Variants in PIK3CG observed in about 807,000 individuals in gnomAD.
PIK3CG encodes the protein phosphatidylinositol-4,5-bisphosphate 3-kinase catalytic subunit gamma.
A neutral mutation model predicts 102.3 loss-of-function variants in PIK3CG; 55 were observed. The ratio of observed to expected loss-of-function variants is 0.54; its 90% confidence interval spans 0.43 to 0.67. PIK3CG has a LOEUF of 0.67. Ranked by LOEUF, PIK3CG falls within the 30% of genes least tolerant of loss-of-function variation. The pLI is 0.00. For missense variants in PIK3CG, 1,258 were observed against 1,391.8 expected, an observed-to-expected ratio of 0.90 and a Z score of 1.53; for synonymous variants, 552 against 540.0, an observed-to-expected ratio of 1.02 and a Z score of -0.31.
rs532738354 is a variant in PIK3CG at position 106,903,562 on chromosome 7, A to G, written c.3031-1547A>G. ...TAGGAATCATGTTATTGTTGTTACC[A>G]TTGATTTTAGCATCTGTTTTTGCAT... On this transcript the variant is annotated intron_variant, in intron 10 of 10. Coordinates refer to ENST00000496166, the MANE Select transcript of PIK3CG (RefSeq NM_001282426.2). The surrounding 1 kb of genome is among the most constrained non-coding windows in gnomAD (Gnocchi z 4.3). Among the ~76,000 whole-genome samples the G allele has an allele frequency of 8.0e-4, 121 of 151,968 alleles. No homozygotes were observed. Among genetic ancestry groups the G allele is most frequent in the Middle Eastern group, 3.4e-3 (1 of 294 alleles).
At chr7:106,882,856 C>T (rs571757538) in intron 7 of PIK3CG, 177 bp from the exon 8 acceptor site, 81 of 524,602 alleles carry the variant, frequency 1.5e-4, no homozygotes, top group Non-Finnish European at 2.5e-4. Context: ...TATCCTCCTT[C>T]TTTCCTTTCT....
rs2116483100 is a variant in PIK3CG at position 106,872,607 on chromosome 7, G to A, written c.2061+5G>A. ...CTGCTGAAGCGTGGTTTAAGAGTAA[G>A]TACTTCCATTTTGATAATAGCGTGA... is the stretch of plus-strand genomic sequence containing the variant. On this transcript the variant is annotated splice_donor_5th_base_variant and intron_variant, in intron 3 of 10. Coordinates refer to ENST00000496166, the MANE Select transcript of PIK3CG (RefSeq NM_001282426.2). This position sits in a 1 kb window ranked among gnomAD's most constrained non-coding sequence, Gnocchi z 5.3. 3 of 1,612,732 alleles carry A rather than the reference G, an allele frequency of 1.9e-6. No individual in the cohort carries two copies. In the South Asian group the frequency reaches 3.3e-5, roughly 18 times the overall value.
At chr7:106,901,613 G>T (rs866584039) in intron 10 of PIK3CG, among the ~76,000 whole-genome samples, 2 of 152,166 alleles carry the variant, frequency 1.3e-5, no homozygotes, top group Admixed American at 1.3e-4. Context: ...TGGTGTGGTT[G>T]TTTGGAGGAC....
In PIK3CG at chr7:106,893,765, A is replaced by T. The variant is rs549888106; in HGVS notation, c.3030+7473A>T. ...TGTCATGCATTGCTTAACAGTGGGG[A>T]TACATACAGAGAAATGCATCATTAG... On this transcript the variant is annotated intron_variant, in intron 10 of 10. Transcript: ENST00000496166. This position sits in a 1 kb window ranked among gnomAD's most constrained non-coding sequence, Gnocchi z 4.4. 2.3e-4 allele frequency among the ~76,000 whole-genome samples: 35 copies of T among 152,342 alleles called. No individual in the cohort carries two copies. Among genetic ancestry groups the T allele is most frequent in the African/African-American group, 8.2e-4 (34 of 41,580 alleles).
In PIK3CG at chr7:106,874,261, C is replaced by G. The variant is rs923518031; in HGVS notation, c.2288-439C>G. On this transcript the variant is annotated intron_variant, in intron 4 of 10. Coordinates refer to ENST00000496166, the MANE Select transcript of PIK3CG (RefSeq NM_001282426.2). The surrounding 1 kb of genome is among the most constrained non-coding windows in gnomAD (Gnocchi z 4.3). Reference sequence around the variant, plus strand: ...ACTTCTCTACAGAACCTAACTTCCTCTTCTGAAAAGAAATTACAGAACCCT... The same window carrying G: ...ACTTCTCTACAGAACCTAACTTCCTGTTCTGAAAAGAAATTACAGAACCCT... 6.6e-5 allele frequency among the ~76,000 whole-genome samples: 10 copies of G among 152,178 alleles called. No homozygotes were observed. The highest frequency in any genetic ancestry group is 1.5e-4 in the Non-Finnish European group (10 of 68,030).
In PIK3CG at chr7:106,883,194, C is replaced by G. The variant is rs2116546674; in HGVS notation, c.2760+31C>G. ...CTCATGCTTTTTCCCAGTCTAATGG[C>G]TCCTTACAAGTTGTCATTTATATAG... On this transcript the variant is annotated intron_variant, in intron 8 of 10. Transcript: ENST00000496166. The surrounding 1 kb of genome is among the most constrained non-coding windows in gnomAD (Gnocchi z 5.8). 1.9e-6 allele frequency: 3 copies of G among 1,612,742 alleles called. No homozygotes were observed. The highest frequency in any genetic ancestry group is 2.5e-6 in the Non-Finnish European group (3 of 1,178,866).
chr7:106,874,833 T>TA lies in PIK3CG; in HGVS notation c.2391+30_2391+31insA. 7.1e-7 allele frequency: 1 copy of TA among 1,415,860 alleles called. No individual in the cohort carries two copies. The highest frequency in any genetic ancestry group is 1.0e-6 in the Non-Finnish European group (1 of 1,003,228). The allele number at this position is 1,415,860 out of a possible 1,614,324, so 87.7% of individuals were successfully genotyped here. A position where few individuals can be genotyped will look rare whatever the true frequency, so the allele number is the denominator to read the frequency against. On this transcript the variant is annotated intron_variant, in intron 5 of 10. Transcript: ENST00000496166. The surrounding 1 kb of genome is among the most constrained non-coding windows in gnomAD (Gnocchi z 4.3). ...GTATCACTTGGATGTCTCCATGTGG[T>TA]CTTTATGTCTTGAAGATGTCTAACG...
At chr7:106,886,408 C>A in intron 10 of PIK3CG, 116 bp downstream of exon 10, 1 of 973,624 alleles carries the variant, frequency 1.0e-6, no homozygotes, top group Non-Finnish European at 1.5e-6. Flanking sequence ...TCTACCCCTA[C>A]CCTCTTCTGG....
chr7:106,868,943 T>C lies in PIK3CG; in HGVS notation c.1382T>C (p.Leu461Pro). 6.2e-7 allele frequency: 1 copy of C among 1,614,172 alleles called. No homozygotes were observed. The highest frequency in any genetic ancestry group is 8.5e-7 in the Non-Finnish European group (1 of 1,180,024). ...GAGTCCAAGGGCAAAGTTCAGCTTCTCTATTATGTGAACCTGCTGCTGATA... is the reference window on the plus strand; with the variant it reads ...GAGTCCAAGGGCAAAGTTCAGCTTCCCTATTATGTGAACCTGCTGCTGATA... ...SSESKGKVQL[L>P]YYVNLLLIDH... The change falls in exon 2 of 11, where the codon CTC becomes CCC. Residue 461 changes from leucine to proline, a missense_variant. Leu to Pro is a moderately conservative substitution (Grantham distance 98). Transcript: ENST00000496166. This position sits in a 1 kb window ranked among gnomAD's most constrained non-coding sequence, Gnocchi z 6.2.
In PIK3CG at chr7:106,869,704, G is replaced by A. The variant is rs1446294132; in HGVS notation, c.1995+148G>A. Reference sequence around the variant, plus strand: ...AGATATGATGAAGCTGCCTCAAAAAGTAGTAAACTGTTCCATGTACATTTT... The same window carrying A: ...AGATATGATGAAGCTGCCTCAAAAAATAGTAAACTGTTCCATGTACATTTT... On this transcript the variant is annotated intron_variant, in intron 2 of 10. Coordinates refer to ENST00000496166, the MANE Select transcript of PIK3CG (RefSeq NM_001282426.2). This position sits in a 1 kb window ranked among gnomAD's most constrained non-coding sequence, Gnocchi z 5.3. 3 of 680,180 alleles carry A rather than the reference G, an allele frequency of 4.4e-6. No individual in the cohort carries two copies. The highest frequency in any genetic ancestry group is 1.8e-5 in the African/African-American group (1 of 55,190). The allele number at this position is 680,180 out of a possible 1,614,324, so 42.1% of individuals were successfully genotyped here. A position where few individuals can be genotyped will look rare whatever the true frequency, so the allele number is the denominator to read the frequency against.
Position 106,869,094 on chromosome 7 carries a change from G to T in PIK3CG, c.1533G>T (p.Glu511Asp). Residue 511 changes from glutamate to aspartate, a missense_variant, in exon 2 of 11, where the codon GAG becomes GAT. This residue lies in a region of PIK3CG where 832 missense variants were observed against 787.5 expected (regional missense o/e 1.06). Coordinates refer to ENST00000496166, the MANE Select transcript of PIK3CG (RefSeq NM_001282426.2). This position sits in a 1 kb window ranked among gnomAD's most constrained non-coding sequence, Gnocchi z 5.3. The part of the protein sequence containing the change: ...KLTSATNPDK[E>D]NSMSISILLD... ...CGTCTGCAACTAACCCAGACAAGGA[G>T]AACTCAATGTCCATCTCCATTCTTC... 1 of 1,614,210 alleles carries T rather than the reference G, an allele frequency of 6.2e-7. No homozygotes were observed.
At position 106,902,678 on chromosome 7, in the gene PIK3CG, T is replaced by TA. The variant is rs1171964261; in HGVS notation, c.3031-2431_3031-2430insA. The stretch of plus-strand genomic sequence containing the variant: ...TCTTACAGTGTGAATTTTTGTTATG[T>TA]TTTTGGCCTGTATTTCTGGCCAATT... On this transcript the variant is annotated intron_variant, in intron 10 of 10. Transcript: ENST00000496166. The surrounding 1 kb of genome is among the most constrained non-coding windows in gnomAD (Gnocchi z 4.3). Among the ~76,000 whole-genome samples, 2 of 152,160 alleles carry TA rather than the reference T, an allele frequency of 1.3e-5. No individual in the cohort carries two copies. Among genetic ancestry groups the TA allele is most frequent in the African/African-American group, 4.8e-5 (2 of 41,454 alleles).
At position 106,902,319 on chromosome 7, in the gene PIK3CG, G is replaced by A. The variant is rs545270757; in HGVS notation, c.3031-2790G>A. 2.0e-5 allele frequency among the ~76,000 whole-genome samples: 3 copies of A among 152,256 alleles called. No individual in the cohort carries two copies. The highest frequency in any genetic ancestry group is 4.1e-4 in the South Asian group (2 of 4,824). On this transcript the variant is annotated intron_variant, in intron 10 of 10. Coordinates refer to ENST00000496166, the MANE Select transcript of PIK3CG (RefSeq NM_001282426.2). This position sits in a 1 kb window ranked among gnomAD's most constrained non-coding sequence, Gnocchi z 4.3. ...CTGGCCTCCTCTCCTTGGGTCAGCTGCAGCTTGCTGGAGGTGTAAAATCAC... is the reference window on the plus strand; with the variant it reads ...CTGGCCTCCTCTCCTTGGGTCAGCTACAGCTTGCTGGAGGTGTAAAATCAC...
At position 106,873,078 on chromosome 7, in the gene PIK3CG, C is replaced by T. The variant is rs768628271; in HGVS notation, c.2287+140C>T. 9.2e-5 allele frequency: 58 copies of T among 631,282 alleles called. No individual in the cohort carries two copies. The African/African-American group carries it at 9.4e-4, about 10-fold the overall frequency. 39.1% of individuals were successfully genotyped at this position (631,282 alleles called of 1,614,324 possible). ...AAGAACACATTTTTGAGTTTTCTGT[C>T]TGCATGGAGTAAACAAATTTAAAGT... On this transcript the variant is annotated intron_variant, in intron 4 of 10. Coordinates refer to ENST00000496166, the MANE Select transcript of PIK3CG (RefSeq NM_001282426.2).
In PIK3CG at chr7:106,869,238, A is replaced by G. The variant is rs529005691; in HGVS notation, c.1677A>G (p.Ile559Met). ...TTCGCAAGCAATTGGAGGCGATCAT[A>G]GCCACTGATCCACTTAACCCTCTCA... ...NQLRKQLEAI[I>M]ATDPLNPLTA... Residue 559 changes from isoleucine (I) to methionine (M), a missense_variant, in exon 2 of 11, where the codon ATA becomes ATG. Transcript: ENST00000496166. This position sits in a 1 kb window ranked among gnomAD's most constrained non-coding sequence, Gnocchi z 5.3. 2 of 1,614,244 alleles carry G rather than the reference A, an allele frequency of 1.2e-6. No homozygotes were observed. The highest frequency in any genetic ancestry group is 4.5e-5 in the East Asian group (2 of 44,888).
At chr7:106,898,672 A>G (rs763781487) in intron 10 of PIK3CG, among the ~76,000 whole-genome samples, 2 of 152,184 alleles carry the variant, frequency 1.3e-5, no homozygotes, top group Non-Finnish European at 2.9e-5. Flanking sequence ...CAGCTTTGTC[A>G]AAGATTAGAC....
chr7:106,872,113 T>C lies in PIK3CG; in HGVS notation c.1996-424T>C, dbSNP rs1790551726. Among the ~76,000 whole-genome samples the C allele has an allele frequency of 6.6e-6, 1 of 152,202 alleles. No individual in the cohort carries two copies. The highest frequency in any genetic ancestry group is 2.4e-5 in the African/African-American group (1 of 41,450). ...ACAAATATTTTTCTCCTTACGTGTATTATACTATATCTCCACTGTCCATTT... is the reference window on the plus strand; with the variant it reads ...ACAAATATTTTTCTCCTTACGTGTACTATACTATATCTCCACTGTCCATTT... On this transcript the variant is annotated intron_variant, in intron 2 of 10. Coordinates refer to ENST00000496166, the MANE Select transcript of PIK3CG (RefSeq NM_001282426.2). The surrounding 1 kb of genome is among the most constrained non-coding windows in gnomAD (Gnocchi z 5.3).
At position 106,869,022 on chromosome 7, in the gene PIK3CG, A is replaced by G. The variant is rs2116455834; in HGVS notation, c.1461A>G (p.Ile487Met). The G allele has an allele frequency of 6.2e-7, 1 of 1,614,174 alleles. No individual in the cohort carries two copies. The change falls in exon 2 of 11, where the codon ATA becomes ATG. Residue 487 changes from isoleucine to methionine, a missense_variant. Around this residue, in one of 2 missense-constraint regions of PIK3CG, gnomAD observed 832 missense variants for 787.5 expected, o/e 1.06. Coordinates refer to ENST00000496166, the MANE Select transcript of PIK3CG (RefSeq NM_001282426.2). This position sits in a 1 kb window ranked among gnomAD's most constrained non-coding sequence, Gnocchi z 5.3. ...AATACGTCCTCCACATGTGGCAGAT[A>G]TCTGGGAAGGGAGAAGACCAAGGAA... ...RGEYVLHMWQ[I>M]SGKGEDQGSF... is the part of the protein sequence containing the mutation.
At position 106,892,225 on chromosome 7, in the gene PIK3CG, A is replaced by G. The variant is rs1276679909; in HGVS notation, c.3030+5933A>G. Among the ~76,000 whole-genome samples the G allele has an allele frequency of 1.3e-5, 2 of 151,750 alleles. No individual in the cohort carries two copies. The highest frequency in any genetic ancestry group is 2.4e-5 in the African/African-American group (1 of 41,298). ...CATCTCAGCATCATTTCCGGTCACTATTCTCTACCTCCCCTTCCTTTGTGT... is the reference window on the plus strand; with the variant it reads ...CATCTCAGCATCATTTCCGGTCACTGTTCTCTACCTCCCCTTCCTTTGTGT... On this transcript the variant is annotated intron_variant, in intron 10 of 10. Coordinates refer to ENST00000496166, the MANE Select transcript of PIK3CG (RefSeq NM_001282426.2). The surrounding 1 kb of genome is among the most constrained non-coding windows in gnomAD (Gnocchi z 5.2).
Sources: gnomAD v4.1 joint callset for allele counts (sites outside exome capture counted in the v4.1 genomes callset) on GRCh38, gnomAD v4.1.1 for gene constraint, gnomAD v4.1.1 regional missense constraint, Gnocchi (gnomAD v3.1) non-coding constraint, MANE v1.5 for transcripts, NCBI Gene and HGNC (gene_info 2026-07-23, HGNC 2026-07-21) for gene names.